GMPPA: variants seen among roughly 807,000 people sequenced by gnomAD.
GMPPA encodes mannose-1-phosphate guanylyltransferase regulatory subunit alpha.
Under a neutral mutation model 58.6 loss-of-function variants are expected in GMPPA, and 46 were observed. The observed-to-expected ratio is 0.78, with a 90% CI of 0.62 to 1.00. The LOEUF (loss-of-function observed/expected upper bound fraction) is 1.00, where lower values mean the gene tolerates loss of function less well. Ranked by LOEUF, GMPPA falls within the 50% of genes least tolerant of loss-of-function variation. The probability of loss-of-function intolerance (pLI) is 0.00; values close to 1 mark genes in which losing one functional copy is unlikely to be tolerated. For missense variants in GMPPA, 468 were observed against 556.4 expected (o/e 0.84, Z 1.60); for synonymous variants, 211 against 214.9 (o/e 0.98, Z 0.16).
chr2:219,504,872 A>C, intron 7 of GMPPA: 1 of 1,099,356 alleles, frequency 9.1e-7, no homozygotes, highest in South Asian at 3.2e-5. Context: ...CTCTGGGGTG[A>C]GTCTGTCTGT....
At position 219,502,306 on chromosome 2, in the gene GMPPA, G is replaced by A; in HGVS notation, c.430-76G>A. 1 of 1,309,616 alleles carries A rather than the reference G, an allele frequency of 7.6e-7. No individual in the cohort carries two copies. Among genetic ancestry groups the A allele is most frequent in the East Asian group, 2.3e-5 (1 of 43,154 alleles). 81.1% of individuals were successfully genotyped at this position (1,309,616 alleles called of 1,614,324 possible). A position where few individuals can be genotyped will look rare whatever the true frequency, so the allele number is the denominator to read the frequency against. ...GAGCTGCATGCCAGGTGCTGTAGCG[G>A]AGGGAAAGAAAGAAAAAACAGACGT... is the stretch of plus-strand genomic sequence containing the variant. On this transcript the variant is annotated intron_variant, in intron 5 of 12. Coordinates refer to ENST00000313597, the MANE Select transcript of GMPPA (RefSeq NM_013335.4). This position sits in a 1 kb window ranked among gnomAD's most constrained non-coding sequence, Gnocchi z 4.0.
Position 219,504,075 on chromosome 2 carries a change from G to T in GMPPA, c.490-8G>T. ...TCTTCTACTGAACCCAGCCTGCTCTGTCCTCAGGTATTGCACTATGTGGAG... is the reference window on the plus strand; with the variant it reads ...TCTTCTACTGAACCCAGCCTGCTCTTTCCTCAGGTATTGCACTATGTGGAG... On this transcript the variant is annotated splice_region_variant and splice_polypyrimidine_tract_variant and intron_variant, in intron 6 of 12. Coordinates refer to ENST00000313597, the MANE Select transcript of GMPPA (RefSeq NM_013335.4). 1 of 1,614,076 alleles carries T rather than the reference G, an allele frequency of 6.2e-7. No individual in the cohort carries two copies. The highest frequency in any genetic ancestry group is 1.1e-5 in the South Asian group (1 of 91,082).
chr2:219,506,607 G>A, intron 12 of GMPPA, 91 bp from the exon 13 acceptor site: 1 of 976,100 alleles, frequency 1.0e-6, no homozygotes, highest in Non-Finnish European at 1.6e-6. Flanking sequence ...AGATGGGCAG[G>A]AGGGCTCCCT....
chr2:219,506,062 C>T lies in GMPPA; in HGVS notation c.983C>T (p.Ala328Val), dbSNP rs1279653034. 1 of 1,584,266 alleles carries T rather than the reference C, an allele frequency of 6.3e-7. No homozygotes were observed. Residue 328 changes from alanine to valine, a missense_variant, in exon 11 of 13, where the codon GCC becomes GTC. By Grantham distance (64) the Ala-to-Val change is moderately conservative. Transcript: ENST00000313597. The part of the protein sequence containing the change: ...RLRESIVLHG[A>V]TLQEHTCVLH... ...CGGGAGAGCATCGTCCTCCATGGAG[C>T]CACTTTGCAGGTAGGTACCAGCATA...
chr2:219,501,265 A>G (rs1270954111), intron 3 of GMPPA: 6 of 557,524 alleles, frequency 1.1e-5, no homozygotes, highest in Non-Finnish European at 1.9e-5. Flanking sequence ...CCTTTTTCAC[A>G]AAAATAAAAC....
At chr2:219,500,042 G>A (rs1198408117) in intron 2 of GMPPA, 27 bp downstream of exon 2, 1 of 1,612,242 alleles carries the variant, frequency 6.2e-7, no homozygotes, top group Admixed American at 1.7e-5. Context: ...ATGGGGGGAG[G>A]AGGTTGGGCT....
chr2:219,504,809 ATC>A, intron 7 of GMPPA: 7 of 1,020,868 alleles, frequency 6.9e-6, no homozygotes, highest in Admixed American at 5.1e-5. Context: ...CATCTCTACC[ATC>A]TCTCTCTCCC....
Position 219,502,187 on chromosome 2 carries a change from G to A in GMPPA, c.429+150G>A, listed in dbSNP as rs1694422229. 3.3e-6 allele frequency: 3 copies of A among 909,920 alleles called. No individual in the cohort carries two copies. In the South Asian group the frequency reaches 4.5e-5, roughly 14 times the overall value. 56.4% of individuals were successfully genotyped at this position (909,920 alleles called of 1,614,324 possible). ...TGCGCTGCTCTGGCAGCATGGAGGTGTTAGTGGAGACCCCGAGCCCTCTGG... is the reference window on the plus strand; with the variant it reads ...TGCGCTGCTCTGGCAGCATGGAGGTATTAGTGGAGACCCCGAGCCCTCTGG... On this transcript the variant is annotated intron_variant, in intron 5 of 12. Coordinates refer to ENST00000313597, the MANE Select transcript of GMPPA (RefSeq NM_013335.4). The surrounding 1 kb of genome is among the most constrained non-coding windows in gnomAD (Gnocchi z 4.0).
At chr2:219,500,385 C>A in intron 3 of GMPPA, 167 bp downstream of exon 3, 1 of 614,256 alleles carries the variant, frequency 1.6e-6, no homozygotes, top group Admixed American at 2.7e-5. Context: ...AGCTGCCCTG[C>A]TGTCTTCCCC....
At chr2:219,500,059 G>A in intron 2 of GMPPA, 44 bp downstream of exon 2, 2 of 1,607,036 alleles carry the variant, frequency 1.2e-6, no homozygotes, top group Non-Finnish European at 1.7e-6. Context: ...GGCTGGAGTG[G>A]TAGGCGGGAT....
At chr2:219,504,474 C>T in intron 7 of GMPPA, 1 of 542,592 alleles carries the variant, frequency 1.8e-6, no homozygotes, top group Admixed American at 3.3e-5. Flanking sequence ...CCTGAGTGTC[C>T]CAGAGACGTC....
intron 4 of GMPPA, 59 bp from the exon 5 acceptor site, chr2:219,501,792 G>C: frequency 1.3e-6 from 2 of 1,513,766 alleles, no homozygotes; most frequent in Non-Finnish European, 1.8e-6. Context: ...CAGGTGCCCT[G>C]GCTCATGGTA....
intron 3 of GMPPA, chr2:219,500,518 G>T: frequency 2.3e-6 from 1 of 434,632 alleles, no homozygotes; most frequent in Non-Finnish European, 4.2e-6. Flanking sequence ...GACTCTTAAT[G>T]ATAACCAAGC....
intron 6 of GMPPA, among the ~76,000 whole-genome samples, chr2:219,503,064 G>C (rs936991753): frequency 6.6e-6 from 1 of 151,948 alleles, no homozygotes; most frequent in African/African-American, 2.4e-5. Flanking sequence ...GACCTCCCAG[G>C]TTTAAGCCAT....
At chr2:219,506,161 C>T (rs1182792845) in intron 11 of GMPPA, 89 bp downstream of exon 11, 20 of 1,465,360 alleles carry the variant, frequency 1.4e-5, no homozygotes, top group Middle Eastern at 1.8e-4. Context: ...GAAGGGTGAA[C>T]GCCGTGGGCT....
At chr2:219,500,497 C>T (rs1382880177) in intron 3 of GMPPA, 5 of 496,206 alleles carry the variant, frequency 1.0e-5, no homozygotes, top group Non-Finnish European at 1.8e-5. Context: ...AATGTAAAGC[C>T]GTAGCATGGA....
Position 219,500,209 on chromosome 2 carries a change from C to T in GMPPA, c.129C>T (p.Ala43=), listed in dbSNP as rs752339548. The T allele has an allele frequency of 5.1e-6, 8 of 1,562,596 alleles. No homozygotes were observed. The East Asian group carries it at 1.6e-4, about 32-fold the overall frequency. ...CTATGATCCAACACCATATTGAAGC[C>T]TGTGCCCAGGTAACCTCAGGGGCTC... is the stretch of plus-strand genomic sequence containing the variant. ...GVPMIQHHIE[A]CAQVPGMQEI... is the part of the protein sequence containing the mutation. The change falls in exon 3 of 13, where the codon GCC becomes GCT. Residue 43 remains alanine (A), a synonymous_variant. Coordinates refer to ENST00000313597, the MANE Select transcript of GMPPA (RefSeq NM_013335.4).
Position 219,500,132 on chromosome 2 carries a change from A to G in GMPPA, c.52A>G (p.Arg18Gly). Residue 18 changes from arginine (R) to glycine (G), a missense_variant, in exon 3 of 13, where the codon AGA becomes GGA. Physicochemically the swap from Arg to Gly is moderately radical, Grantham distance 125 (BLOSUM62 -2). Transcript: ENST00000313597. ...IGGPQKGTRFRPLSFEVPKPL... is the reference protein window; with the variant it reads ...IGGPQKGTRFGPLSFEVPKPL... ...CTCTCCTCTCCCAGGAACTCGCTTC[A>G]GACCTTTGTCTTTTGAGGTGCCCAA... is the stretch of plus-strand genomic sequence containing the variant. 6.2e-7 allele frequency: 1 copy of G among 1,604,166 alleles called. No individual in the cohort carries two copies. Among genetic ancestry groups the G allele is most frequent in the Non-Finnish European group, 8.5e-7 (1 of 1,174,230 alleles).
At chr2:219,501,664 TG>T in intron 4 of GMPPA, 85 bp downstream of exon 4, 1 of 975,222 alleles carries the variant, frequency 1.0e-6, no homozygotes, top group Non-Finnish European at 1.7e-6. Flanking sequence ...CAGCATTTGC[TG>T]GAGTTCATCC....
Sources: gnomAD v4.1 joint callset for allele counts (sites outside exome capture counted in the v4.1 genomes callset) on GRCh38, gnomAD v4.1.1 for gene constraint, Gnocchi (gnomAD v3.1) non-coding constraint, MANE v1.5 for transcripts, NCBI Gene and HGNC (gene_info 2026-07-23, HGNC 2026-07-21) for gene names.